MEIOC: variants seen among roughly 807,000 people sequenced by gnomAD.
The protein encoded by MEIOC is meiosis-specific coiled-coil domain-containing protein MEIOC.
A neutral mutation model predicts 85.3 loss-of-function variants in MEIOC; 9 were observed. The ratio of observed to expected loss-of-function variants is 0.11; its 90% CI spans 0.06 to 0.18. The LOEUF (loss-of-function observed/expected upper bound fraction) is 0.18. Among genes scored for constraint, MEIOC ranks in the 10% least tolerant of loss-of-function variants. The probability of loss-of-function intolerance (pLI) is 1.00; values close to 1 mark genes in which losing one functional copy is unlikely to be tolerated. For missense variants in MEIOC, 898 were observed against 1,129.4 expected (o/e 0.80, Z 2.94); for synonymous variants, 365 against 393.7 (o/e 0.93, Z 0.86).
At chr17:44,657,864 T>G (rs2144654338) in intron 2 of MEIOC, among the ~76,000 whole-genome samples, 1 of 150,138 alleles carries the variant, frequency 6.7e-6, no homozygotes, top group East Asian at 2.0e-4. Context: ...TTTTGTTTTG[T>G]TTTTTGAGAC....
At chr17:44,657,378 CTTTTTTTTTT>C (rs35032511) in intron 2 of MEIOC, 117 bp downstream of exon 2, 3 of 296,052 alleles carry the variant, frequency 1.0e-5, no homozygotes, top group Non-Finnish European at 1.7e-5. Context: ...CCAGGGAAAA[CTTTTTTTTTT>C]TTTTTTTTTT....
chr17:44,667,903 C>G lies in MEIOC; in HGVS notation c.1992C>G (p.Cys664Trp). Residue 664 changes from cysteine (C) to tryptophan (W), a missense_variant, in exon 5 of 8, where the codon TGC (cysteine) becomes TGG (tryptophan). Transcript: ENST00000409122. The part of the protein sequence containing the change: ...NSRVNRTQVS[C>W]FSNNYMMGDL... ...GTGTGAATCGCACACAAGTGTCATG[C>G]TTTTCTAATAATTATATGATGGGAG... 6.2e-7 allele frequency: 1 copy of G among 1,613,840 alleles called. No individual in the cohort carries two copies. Among genetic ancestry groups the G allele is most frequent in the South Asian group, 1.1e-5 (1 of 91,064 alleles).
Position 44,656,665 on chromosome 17 carries a change from A to G in MEIOC, c.52A>G (p.Arg18Gly), listed in dbSNP as rs767949304. 5 of 1,491,068 alleles carry G rather than the reference A, an allele frequency of 3.4e-6. No individual in the cohort carries two copies. In the South Asian group the frequency reaches 6.4e-5, roughly 19 times the overall value. The allele number at this position is 1,491,068 out of a possible 1,614,324, so 92.4% of individuals were successfully genotyped here. The change falls in exon 1 of 8, where the codon AGG becomes GGG. Residue 18 changes from arginine (R) to glycine (G), a missense_variant. Arg to Gly is a moderately radical substitution (Grantham distance 125). This residue lies in a region of MEIOC where 734 missense variants were observed against 860.1 expected (regional missense o/e 0.85). Transcript: ENST00000409122. ...TCPRPHPSGLREEGLEPKVAF... is the reference protein window; with the variant it reads ...TCPRPHPSGLGEEGLEPKVAF... ...CCCGCGCCCTCACCCCTCAGGCCTG[A>G]GGGAGGAAGGACTTGAGGTAATGGA...
chr17:44,672,246 G>A (rs1292923276), intron 6 of MEIOC, among the ~76,000 whole-genome samples: 4 of 152,142 alleles, frequency 2.6e-5, no homozygotes, highest in African/African-American at 4.8e-5. Flanking sequence ...CCTCCCCAAA[G>A]TGCTGGGATT....
chr17:44,675,627 C>G lies in MEIOC; in HGVS notation c.*1431C>G. The G allele has an allele frequency of 1.0e-6, 1 of 984,428 alleles. No individual in the cohort carries two copies. Among genetic ancestry groups the G allele is most frequent in the Non-Finnish European group, 1.2e-6 (1 of 829,196 alleles). 61.0% of individuals were successfully genotyped at this position (984,428 alleles called of 1,614,324 possible). A position where few individuals can be genotyped will look rare whatever the true frequency, so the allele number is the denominator to read the frequency against. On this transcript the variant is annotated 3_prime_UTR_variant, in exon 8 of 8. Coordinates refer to ENST00000409122, the MANE Select transcript of MEIOC (RefSeq NM_001145080.3). ...GAGAAACATTTTGATCACTGATATG[C>G]CTTAGAACTACCCAAATGAATTACA...
chr17:44,674,236 A>G lies in MEIOC; in HGVS notation c.*40A>G, dbSNP rs77266579. 0.012 allele frequency: 17,976 copies of G among 1,507,978 alleles called. 168 individuals are homozygous for G. Among genetic ancestry groups the G allele is most frequent in the East Asian group, 0.041 (1,652 of 40,526 alleles). 93.4% of individuals were successfully genotyped at this position (1,507,978 alleles called of 1,614,324 possible). ...AAAGAAGAATAAAAAGCTGATAAAT[A>G]TACCAAGACATGCTAAAAATGTTTT... is the stretch of plus-strand genomic sequence containing the variant. On this transcript the variant is annotated 3_prime_UTR_variant, in exon 8 of 8. Transcript: ENST00000409122.
At chr17:44,676,505 A>G (rs3897489), downstream of MEIOC, among the ~76,000 whole-genome samples, 12,969 of 152,268 alleles carry the variant, frequency 0.085, 614 homozygotes, top group East Asian at 0.14. Flanking sequence ...CAATCTTACC[A>G]TAGAAGATAT....
In MEIOC at chr17:44,667,826, G is replaced by A. The variant is rs775311910; in HGVS notation, c.1915G>A (p.Glu639Lys). ...LSQNTYQDLL[E>K]SQGHSNSHRT... ...ACAAAATACATACCAAGATCTACTG[G>A]AGTCACAGGGTCATTCTAATAGCCA... The change falls in exon 5 of 8, where the codon GAG (glutamate) becomes AAG (lysine). Residue 639 changes from glutamate to lysine, a missense_variant. Glu to Lys is a moderately conservative substitution (Grantham distance 56). Transcript: ENST00000409122. 3.7e-6 allele frequency: 6 copies of A among 1,613,798 alleles called. No homozygotes were observed. The Admixed American group carries it at 1.0e-4, about 27-fold the overall frequency.
intron 1 of MEIOC, 24 bp downstream of exon 1, chr17:44,656,706 T>A: frequency 6.8e-7 from 1 of 1,474,872 alleles, no homozygotes; most frequent in Non-Finnish European, 9.0e-7. Flanking sequence ...AAGGGCAGGG[T>A]CCAGGGGGCG....
intron 2 of MEIOC, 70 bp from the exon 3 acceptor site, chr17:44,662,244 TTTC>T (rs2144660663): frequency 8.6e-7 from 1 of 1,158,136 alleles, no homozygotes; most frequent in Non-Finnish European, 1.2e-6. Context: ...TTATTTCCGC[TTTC>T]TTATTTTTCT....
rs144825679 is a variant in MEIOC, at chr17:44,666,815, G to T, written c.904G>T (p.Ala302Ser). The T allele has an allele frequency of 1.9e-5, 31 of 1,613,008 alleles. No homozygotes were observed. The African/African-American group carries it at 3.9e-4, about 20-fold the overall frequency. ...RDRICTKGLE[A>S]PLQQKRAEMF... is the part of the protein sequence containing the mutation. ...CAGAATATGTACTAAAGGTCTTGAA[G>T]CACCACTACAGCAAAAAAGGGCAGA... The change falls in exon 5 of 8, where the codon GCA becomes TCA. Residue 302 changes from alanine (A) to serine (S), a missense_variant. Physicochemically the swap from Ala to Ser is moderately conservative, Grantham distance 99 (BLOSUM62 1). Coordinates refer to ENST00000409122, the MANE Select transcript of MEIOC (RefSeq NM_001145080.3).
At chr17:44,671,005 T>G (rs1375574720) in intron 6 of MEIOC, 2 of 152,086 alleles carry the variant, frequency 1.3e-5, no homozygotes, top group Non-Finnish European at 2.9e-5. Flanking sequence ...TCTTAAAAAC[T>G]TAGTTTTCCA....
intron 6 of MEIOC, among the ~76,000 whole-genome samples, chr17:44,672,837 A>G (rs1190996044): frequency 6.6e-6 from 1 of 152,214 alleles, no homozygotes; most frequent in Non-Finnish European, 1.5e-5. Flanking sequence ...GTAAATTTAA[A>G]TCAGTATTTT....
chr17:44,669,251 G>C (rs1450862945), intron 5 of MEIOC, 132 bp from the exon 6 acceptor site: 11 of 700,606 alleles, frequency 1.6e-5, no homozygotes, highest in Non-Finnish European at 2.6e-5. Flanking sequence ...TACATTTGTT[G>C]TCTTTTGATA....
At chr17:44,676,862 T>C, downstream of MEIOC, 1 of 715,948 alleles carries the variant, frequency 1.4e-6, no homozygotes, top group South Asian at 6.3e-5. Context: ...TACTGAACAT[T>C]TTAGACGTAA....
intron 2 of MEIOC, 108 bp downstream of exon 2, chr17:44,657,369 C>T (rs1002609198): frequency 4.4e-5 from 40 of 899,968 alleles, no homozygotes; most frequent in Non-Finnish European, 5.9e-5. Context: ...AAGAGAAAAC[C>T]AGGGAAAACT....
intron 2 of MEIOC, among the ~76,000 whole-genome samples, chr17:44,659,179 A>G (rs1971812534): frequency 6.6e-6 from 1 of 152,168 alleles, no homozygotes; most frequent in East Asian, 1.9e-4. Flanking sequence ...AATTATAACA[A>G]TATCTAGAAA....
intron 2 of MEIOC, among the ~76,000 whole-genome samples, chr17:44,661,101 T>A (rs1231979122): frequency 6.6e-6 from 1 of 151,882 alleles, no homozygotes; most frequent in Non-Finnish European, 1.5e-5. Context: ...CTGACCAACA[T>A]GGTGAAACCC....
Position 44,674,191 on chromosome 17 carries a change from C to CT in MEIOC, c.2854_2855insT (p.His952LeufsTer11). The stretch of plus-strand genomic sequence containing the variant: ...GAACCAGAGAGGTGAAACAAACAAA[C>CT]ATTAAGGAAATGCCAGCAGAAAGAA... On this transcript the variant is annotated frameshift_variant, in exon 8 of 8. Coordinates refer to ENST00000409122, the MANE Select transcript of MEIOC (RefSeq NM_001145080.3). LOFTEE classifies it high-confidence loss of function. 6.5e-7 allele frequency: 1 copy of CT among 1,546,042 alleles called. No homozygotes were observed. The highest frequency in any genetic ancestry group is 8.7e-7 in the Non-Finnish European group (1 of 1,143,566).
Sources: allele counts gnomAD v4.1 joint callset (sites outside exome capture counted in the v4.1 genomes callset), GRCh38; gene constraint gnomAD v4.1.1; regional missense constraint gnomAD v4.1.1; transcripts MANE v1.5; gene names NCBI Gene and HGNC (gene_info 2026-07-23, HGNC 2026-07-21).